Variants in PCCA observed in about 807,000 individuals in gnomAD.
PCCA encodes propionyl-CoA carboxylase subunit alpha, also known as propionyl-CoA carboxylase alpha chain, mitochondrial.
PCCA carries 74 observed loss-of-function variants against 101.3 expected under a neutral mutation model. The observed-to-expected ratio is 0.73, with a 90% CI of 0.61 to 0.89. PCCA has a LOEUF of 0.89. Ranked by LOEUF, PCCA falls within the 40% of genes least tolerant of loss-of-function variation. The pLI is 0.00. For missense variants in PCCA, 891 were observed against 907.0 expected (o/e 0.98, Z 0.23); for synonymous variants, 294 against 313.6 (o/e 0.94, Z 0.66).
At chr13:100,477,926 T>C (rs1029281046) in intron 21 of PCCA, among the ~76,000 whole-genome samples, 1 of 152,246 alleles carries the variant, frequency 6.6e-6, no homozygotes, top group Non-Finnish European at 1.5e-5. Flanking sequence ...GCTGGCCACC[T>C]GCACCTGACA....
intron 16 of PCCA, 22 bp from the exon 17 acceptor site, chr13:100,330,539 T>C (rs760534345): frequency 5.9e-6 from 8 of 1,357,044 alleles, no homozygotes; most frequent in Non-Finnish European, 8.4e-6. Flanking sequence ...TGTTCTTCAA[T>C]TTGATATCAT....
At chr13:100,110,520 A>C (rs1193789350) in intron 2 of PCCA, among the ~76,000 whole-genome samples, 3 of 152,132 alleles carry the variant, frequency 2.0e-5, no homozygotes, top group Non-Finnish European at 4.4e-5. Flanking sequence ...AGGATACACA[A>C]CTTCTCTACT....
chr13:100,111,003 G>A (rs2048255923), intron 2 of PCCA, among the ~76,000 whole-genome samples: 1 of 150,448 alleles, frequency 6.6e-6, no homozygotes. Flanking sequence ...GCTAATTTTT[G>A]TATTTAAATT....
At chr13:100,404,738 G>A (rs543412890) in intron 19 of PCCA, among the ~76,000 whole-genome samples, 5 of 152,160 alleles carry the variant, frequency 3.3e-5, no homozygotes, top group African/African-American at 1.2e-4. Flanking sequence ...GGGGGCCTAG[G>A]GGGTGAGAAT....
At chr13:100,477,812 C>T (rs2083530987) in intron 21 of PCCA, among the ~76,000 whole-genome samples, 1 of 152,172 alleles carries the variant, frequency 6.6e-6, no homozygotes, top group Non-Finnish European at 1.5e-5. Context: ...ATTTCTCAGC[C>T]TCTTCATGTG....
intron 6 of PCCA, among the ~76,000 whole-genome samples, chr13:100,200,572 T>C (rs2058416064): frequency 6.6e-6 from 1 of 151,412 alleles, no homozygotes; most frequent in East Asian, 1.9e-4. Flanking sequence ...TAACAGGTTT[T>C]TAACATATAC....
chr13:100,268,641 C>G, intron 10 of PCCA, 48 bp from the exon 11 acceptor site: 1 of 1,311,758 alleles, frequency 7.6e-7, no homozygotes, highest in Non-Finnish European at 1.1e-6. Flanking sequence ...CCATCATCTA[C>G]TTTGTGGGTG....
chr13:100,236,714 A>C (rs1171475006), intron 8 of PCCA: 2 of 152,194 alleles, frequency 1.3e-5, no homozygotes, highest in African/African-American at 4.8e-5. Flanking sequence ...CACCCGCCTC[A>C]GCCTCCCAAA....
intron 4 of PCCA, among the ~76,000 whole-genome samples, chr13:100,117,932 C>T (rs1211937024): frequency 1.1e-4 from 16 of 151,612 alleles, no homozygotes; most frequent in Non-Finnish European, 1.9e-4. Flanking sequence ...CTGGCTAACA[C>T]GGTGAAACCC....
chr13:100,317,076 C>A (rs543295668), intron 16 of PCCA, among the ~76,000 whole-genome samples: 1 of 152,152 alleles, frequency 6.6e-6, no homozygotes, highest in South Asian at 2.1e-4. Context: ...CAGGGAAGTT[C>A]AAAAATCCTG....
At chr13:100,419,998 T>G (rs2078641386) in intron 19 of PCCA, among the ~76,000 whole-genome samples, 1 of 152,226 alleles carries the variant, frequency 6.6e-6, no homozygotes, top group South Asian at 2.1e-4. Context: ...AATACAGAGT[T>G]TTTTGCATAA....
intron 21 of PCCA, among the ~76,000 whole-genome samples, chr13:100,467,618 C>T (rs1369203351): frequency 6.6e-6 from 1 of 152,234 alleles, no homozygotes; most frequent in South Asian, 2.1e-4. Flanking sequence ...GATCCACCCG[C>T]CTTGGCCTCC....
intron 4 of PCCA, among the ~76,000 whole-genome samples, chr13:100,128,870 G>A (rs1280399181): frequency 6.6e-6 from 1 of 152,080 alleles, no homozygotes; most frequent in Non-Finnish European, 1.5e-5. Flanking sequence ...AATCACTCAA[G>A]GTTTGATTGG....
intron 8 of PCCA, among the ~76,000 whole-genome samples, chr13:100,251,148 A>G (rs1302273035): frequency 6.6e-6 from 1 of 152,202 alleles, no homozygotes; most frequent in African/African-American, 2.4e-5. Flanking sequence ...AAGTATTATG[A>G]TAACTGAGAT....
intron 19 of PCCA, among the ~76,000 whole-genome samples, chr13:100,411,586 A>G (rs1413934907): frequency 6.6e-6 from 1 of 152,204 alleles, no homozygotes; most frequent in Non-Finnish European, 1.5e-5. Context: ...GACTGCTATA[A>G]TAAATATACC....
chr13:100,173,612 C>T (rs1337025258), intron 6 of PCCA, among the ~76,000 whole-genome samples: 1 of 152,114 alleles, frequency 6.6e-6, no homozygotes. Flanking sequence ...CTCCTGAACT[C>T]CTGCTGCATA....
At position 100,336,837 on chromosome 13, in the gene PCCA, G is replaced by A. The variant is rs534638134; in HGVS notation, c.1541-3320G>A. ...AATGTTGTGAACGTTCCAAGGCTGG[G>A]TTTAAGAAAGCCTTAGAACTCCATC... On this transcript the variant is annotated intron_variant, in intron 17 of 23. Coordinates refer to ENST00000376285, the MANE Select transcript of PCCA (RefSeq NM_000282.4). Among the ~76,000 whole-genome samples the A allele has an allele frequency of 1.8e-3, 280 of 152,326 alleles. 3 individuals are homozygous for A. The highest frequency in any genetic ancestry group is 2.6e-3 in the Admixed American group (40 of 15,300).
intron 4 of PCCA, among the ~76,000 whole-genome samples, chr13:100,126,635 ACTAT>A (rs2049982545): frequency 6.6e-6 from 1 of 152,122 alleles, no homozygotes; most frequent in African/African-American, 2.4e-5. Context: ...CTGTCAGGAA[ACTAT>A]CTATTAGAAA....
chr13:100,248,929 C>G (rs1232642209), intron 8 of PCCA, among the ~76,000 whole-genome samples: 4 of 150,716 alleles, frequency 2.7e-5, no homozygotes, highest in African/African-American at 9.8e-5. Context: ...TTTTTTTGTA[C>G]TTGTAGTAGA....
Sources: gnomAD v4.1 joint callset for allele counts (sites outside exome capture counted in the v4.1 genomes callset) on GRCh38, gnomAD v4.1.1 for gene constraint, MANE v1.5 for transcripts, NCBI Gene and HGNC (gene_info 2026-07-23, HGNC 2026-07-21) for gene names.